SEMA3G: variants seen among roughly 807,000 people sequenced by gnomAD.
SEMA3G encodes the protein semaphorin 3G.
SEMA3G carries 70 observed loss-of-function variants against 86.2 expected under a neutral mutation model. The observed-to-expected ratio is 0.81, with a 90% CI of 0.67 to 0.99. The LOEUF (loss-of-function observed/expected upper bound fraction) is 0.99. SEMA3G is among the 50% of genes least tolerant of loss of function. The pLI is 0.00. For missense variants in SEMA3G, 1,002 were observed against 1,072.4 expected (o/e 0.93, Z 0.92); for synonymous variants, 416 against 441.4 (o/e 0.94, Z 0.72).
chr3:52,444,457 A>C (rs569621639), intron 1 of SEMA3G, among the ~76,000 whole-genome samples: 14 of 151,346 alleles, frequency 9.3e-5, no homozygotes, highest in South Asian at 2.1e-4. Flanking sequence ...GCACACGCAC[A>C]CAAACAGGGC....
At chr3:52,438,536 C>G (rs1357025742) in intron 13 of SEMA3G, 1 of 985,464 alleles carries the variant, frequency 1.0e-6, no homozygotes, top group African/African-American at 1.7e-5. Context: ...TTTAAGCAAC[C>G]CTTGCACGAA....
At position 52,442,479 on chromosome 3, in the gene SEMA3G, C is replaced by G; in HGVS notation, c.339+80G>C. The G allele has an allele frequency of 1.3e-6, 2 of 1,529,948 alleles. No homozygotes were observed. Among genetic ancestry groups the G allele is most frequent in the East Asian group, 2.3e-5 (1 of 44,432 alleles). 94.8% of individuals were successfully genotyped at this position (1,529,948 alleles called of 1,614,324 possible). A position where few individuals can be genotyped will look rare whatever the true frequency, so the allele number is the denominator to read the frequency against. On this transcript the variant is annotated intron_variant, in intron 3 of 15. Transcript: ENST00000231721. The surrounding 1 kb of genome is among the most constrained non-coding windows in gnomAD (Gnocchi z 6.1). ...GCTCCAAATGCCCCTGGTAGAGGTA[C>G]CTGGGGCGTGGTCACGGATTGTCCT...
intron 14 of SEMA3G, 89 bp from the exon 15 acceptor site, chr3:52,437,755 C>T (rs1261755076): frequency 2.1e-6 from 3 of 1,451,504 alleles, no homozygotes; most frequent in Non-Finnish European, 2.8e-6. Context: ...AGGAGCCCCA[C>T]TAGTATGACA....
rs943779172 is a variant in SEMA3G at position 52,441,852 on chromosome 3, C to T, written c.517G>A (p.Glu173Lys). 6 of 1,600,398 alleles carry T rather than the reference C, an allele frequency of 3.7e-6. No individual in the cohort carries two copies. Among genetic ancestry groups the T allele is most frequent in the Non-Finnish European group, 5.1e-6 (6 of 1,173,760 alleles). The change falls in exon 5 of 16, where the codon GAG becomes AAG. Residue 173 changes from glutamate (E) to lysine (K), a missense_variant. By Grantham distance (56) the Glu-to-Lys change is moderately conservative (BLOSUM62 1). Transcript: ENST00000231721. ...GTGCTGGCAAAGGGACGGCTGGGCT[C>T]GTGAGGGCACCGCCCCCGGCCACTT... ...VESGRGRCPH[E>K]PSRPFASTFI...
intron 1 of SEMA3G, among the ~76,000 whole-genome samples, chr3:52,443,654 C>A (rs906857367): frequency 6.6e-6 from 1 of 152,154 alleles, no homozygotes. Context: ...GCACCTCTAC[C>A]CAACACCCAT....
Position 52,441,575 on chromosome 3 carries a change from G to A in SEMA3G, c.666C>T (p.His222=), listed in dbSNP as rs758590079. The A allele has an allele frequency of 8.1e-6, 13 of 1,612,248 alleles. No homozygotes were observed. The highest frequency in any genetic ancestry group is 1.7e-4 in the Middle Eastern group (1 of 6,060). Residue 222 remains histidine (H), a splice_region_variant and synonymous_variant, in exon 6 of 16, where the codon CAC becomes CAT. Coordinates refer to ENST00000231721, the MANE Select transcript of SEMA3G (RefSeq NM_020163.3). The part of the protein sequence containing the change: ...LRSDSDQSLL[H]DPRFVMAARI... ...GCCAGTTCCAGGGGCAGGCCTCACC[G>A]TGCAAGAGACTCTGGTCAGAGTCGG...
Position 52,437,751 on chromosome 3 carries a change from C to T in SEMA3G, c.1739-85G>A. 4.8e-6 allele frequency: 7 copies of T among 1,463,752 alleles called. No homozygotes were observed. The Middle Eastern group carries it at 7.4e-4, about 155-fold the overall frequency. The allele number at this position is 1,463,752 out of a possible 1,614,324, so 90.7% of individuals were successfully genotyped here. A position where few individuals can be genotyped will look rare whatever the true frequency, so the allele number is the denominator to read the frequency against. On this transcript the variant is annotated intron_variant, in intron 14 of 15. Coordinates refer to ENST00000231721, the MANE Select transcript of SEMA3G (RefSeq NM_020163.3). ...CCACCTGACACCACAGCTCAGGAGC[C>T]CCACTAGTATGACAAGAACTTAGGC...
rs1706179148 is a variant in SEMA3G, at chr3:52,442,555, T to G, written c.339+4A>C. On this transcript the variant is annotated splice_donor_region_variant and intron_variant, in intron 3 of 15. Transcript: ENST00000231721. This position sits in a 1 kb window ranked among gnomAD's most constrained non-coding sequence, Gnocchi z 6.1. ...GGGGGACCATCCCTCCCGACAGCAC[T>G]CACCAAAGGATCTCTTCCCTTTCGA... 6.2e-7 allele frequency: 1 copy of G among 1,613,868 alleles called. No individual in the cohort carries two copies. Among genetic ancestry groups the G allele is most frequent in the African/African-American group, 1.3e-5 (1 of 74,850 alleles).
Position 52,442,714 on chromosome 3 carries a change from A to G in SEMA3G, c.276+33T>C. ...TCCCATCTGGAGGTGCCCAGTTCTC[A>G]AACAGACCCTCTTCCCTGCCAGTCC... On this transcript the variant is annotated intron_variant, in intron 2 of 15. Coordinates refer to ENST00000231721, the MANE Select transcript of SEMA3G (RefSeq NM_020163.3). This position sits in a 1 kb window ranked among gnomAD's most constrained non-coding sequence, Gnocchi z 6.1. 6.2e-7 allele frequency: 1 copy of G among 1,613,582 alleles called. No homozygotes were observed.
chr3:52,436,111 G>T (rs780489027), intron 15 of SEMA3G, 38 bp from the exon 16 acceptor site: 52 of 1,561,686 alleles, frequency 3.3e-5, no homozygotes, highest in Non-Finnish European at 1.1e-5. Context: ...AGGGTGCAAG[G>T]TGGGAGTTTA....
In SEMA3G at chr3:52,439,695, C is replaced by T. The variant is rs1706108901; in HGVS notation, c.1452G>A (p.Glu484=). The part of the protein sequence containing the change: ...SAEPEEVVLE[E]LQVFKVPTPI... ...CCTTGCTTACCTTAAACACCTGGAG[C>T]TCCTCCAGAACCACTTCCTCAGGTT... Residue 484 remains glutamate, a synonymous_variant, in exon 12 of 16, where the codon GAG becomes GAA. Coordinates refer to ENST00000231721, the MANE Select transcript of SEMA3G (RefSeq NM_020163.3). The T allele has an allele frequency of 6.2e-7, 1 of 1,613,844 alleles. No individual in the cohort carries two copies. Among genetic ancestry groups the T allele is most frequent in the Non-Finnish European group, 8.5e-7 (1 of 1,179,826 alleles).
intron 13 of SEMA3G, chr3:52,438,523 T>C (rs1578256205): frequency 1.0e-6 from 1 of 985,480 alleles, no homozygotes; most frequent in East Asian, 1.1e-4. Context: ...AGGTGCACCT[T>C]GCTTTAAGCA....
In SEMA3G at chr3:52,439,518, A is replaced by AG. The variant is rs199940898; in HGVS notation, c.1467+161dup. 4.0e-3 allele frequency among the ~76,000 whole-genome samples: 614 copies of AG among 152,134 alleles called. 4 individuals carry two copies. Among genetic ancestry groups the AG allele is most frequent in the South Asian group, 0.023 (112 of 4,812 alleles). On this transcript the variant is annotated intron_variant, in intron 12 of 15. Coordinates refer to ENST00000231721, the MANE Select transcript of SEMA3G (RefSeq NM_020163.3). ...CTGCCACAGCGGAGGTGCGGGGTGG[A>AG]GGGGGGGCATCTCTTTCTGCATCCC...
rs926117782 is a variant in SEMA3G at position 52,435,701 on chromosome 3, T to C, written c.2251A>G (p.Arg751Gly). 6.2e-7 allele frequency: 1 copy of C among 1,613,990 alleles called. No individual in the cohort carries two copies. Among genetic ancestry groups the C allele is most frequent in the Non-Finnish European group, 8.5e-7 (1 of 1,179,920 alleles). ...TCCAGCCCTGCCCAGCTCTTGCCCC[T>C]GGCCTGCTTGCCCCGGCTCCGGCTC... The part of the protein sequence containing the change: ...FRSRSRGKQA[R>G]GKSWAGLELG... Residue 751 changes from arginine (R) to glycine (G), a missense_variant, in exon 16 of 16, where the codon AGG (arginine) becomes GGG (glycine). Physicochemically the swap from Arg to Gly is moderately radical, Grantham distance 125. Coordinates refer to ENST00000231721, the MANE Select transcript of SEMA3G (RefSeq NM_020163.3).
intron 7 of SEMA3G, 72 bp downstream of exon 7, chr3:52,441,192 G>C (rs530772204): frequency 6.4e-6 from 10 of 1,558,636 alleles, no homozygotes; most frequent in East Asian, 2.2e-5. Context: ...GGCCAGGGGT[G>C]GGGGGAGAAA....
rs1706155647 is a variant in SEMA3G, at chr3:52,441,579, A to G, written c.662T>C (p.Leu221Ser). The stretch of plus-strand genomic sequence containing the variant: ...GTTCCAGGGGCAGGCCTCACCGTGC[A>G]AGAGACTCTGGTCAGAGTCGGAACG... ...ALRSDSDQSL[L>S]HDPRFVMAAR... The change falls in exon 6 of 16, where the codon TTG becomes TCG. Residue 221 changes from leucine (L) to serine (S), a missense_variant. By Grantham distance (145) the Leu-to-Ser change is moderately radical. Transcript: ENST00000231721. The G allele has an allele frequency of 6.2e-7, 1 of 1,612,500 alleles. No homozygotes were observed. Among genetic ancestry groups the G allele is most frequent in the Non-Finnish European group, 8.5e-7 (1 of 1,179,094 alleles).
Position 52,438,198 on chromosome 3 carries a change from T to C in SEMA3G, c.1511A>G (p.Gln504Arg), listed in dbSNP as rs752644774. 1 of 1,612,190 alleles carries C rather than the reference T, an allele frequency of 6.2e-7. No individual in the cohort carries two copies. The highest frequency in any genetic ancestry group is 1.7e-5 in the Admixed American group (1 of 59,942). Reference protein sequence around the residue: ...ITEMEISVKRQMLYVGSRLGV... With the variant: ...ITEMEISVKRRMLYVGSRLGV... ...CAGCCGAGAGCCCACGTATAGCATTTGCTGGGGAGGGACAGAAGCAGAGCC... is the reference window on the plus strand; with the variant it reads ...CAGCCGAGAGCCCACGTATAGCATTCGCTGGGGAGGGACAGAAGCAGAGCC... Residue 504 changes from glutamine (Q) to arginine (R), a missense_variant and splice_region_variant, in exon 14 of 16, where the codon CAA becomes CGA. Gln to Arg is a conservative substitution (Grantham distance 43, BLOSUM62 1). Transcript: ENST00000231721.
chr3:52,434,438 A>G lies in SEMA3G; in HGVS notation c.*1165T>C, dbSNP rs1706005848. The G allele has an allele frequency of 6.6e-6, 1 of 152,138 alleles. No individual in the cohort carries two copies. The highest frequency in any genetic ancestry group is 6.5e-5 in the Admixed American group (1 of 15,290). The allele number at this position is 152,138 out of a possible 1,614,324, so 9.4% of individuals were successfully genotyped here. A position where few individuals can be genotyped will look rare whatever the true frequency, so the allele number is the denominator to read the frequency against. On this transcript the variant is annotated 3_prime_UTR_variant, in exon 16 of 16. Coordinates refer to ENST00000231721, the MANE Select transcript of SEMA3G (RefSeq NM_020163.3). The surrounding 1 kb of genome is among the most constrained non-coding windows in gnomAD (Gnocchi z 5.2). ...GTCTTCCTAAATCCATTTAGCATAAAACAGAGATTCCAGAGATGGAAACAC... is the reference window on the plus strand; with the variant it reads ...GTCTTCCTAAATCCATTTAGCATAAGACAGAGATTCCAGAGATGGAAACAC...
intron 1 of SEMA3G, 171 bp from the exon 2 acceptor site, chr3:52,443,078 A>G (rs930564547): frequency 6.5e-7 from 1 of 1,529,666 alleles, no homozygotes; most frequent in Non-Finnish European, 8.7e-7. Context: ...TCCTGGGGAC[A>G]GGTGGGACGG....
Sources: gnomAD v4.1 joint callset for allele counts (sites outside exome capture counted in the v4.1 genomes callset) on GRCh38, gnomAD v4.1.1 for gene constraint, Gnocchi (gnomAD v3.1) non-coding constraint, MANE v1.5 for transcripts, NCBI Gene and HGNC (gene_info 2026-07-23, HGNC 2026-07-21) for gene names.